The following ROBO2 variants were observed in gnomAD, a reference collection of about 807,000 sequenced individuals.
ROBO2 encodes the protein roundabout guidance receptor 2, also known as roundabout homolog 2.
ROBO2 carries 53 observed loss-of-function variants against 160.8 expected under a neutral mutation model. The observed-to-expected ratio is 0.33, with a 90% CI of 0.26 to 0.41. ROBO2 has a LOEUF of 0.41. Ranked by LOEUF, ROBO2 falls within the 10% of genes least tolerant of loss-of-function variation. The pLI is 1.00. For synonymous variants in ROBO2, 664 were observed against 611.7 expected (o/e 1.09, Z -1.26); for missense variants, 1,577 against 1,722.4 (o/e 0.92, Z 1.49).
chr3:76,561,307 AACTT>A (rs2108493838), intron 2 of ROBO2, among the ~76,000 whole-genome samples: 1 of 152,272 alleles, frequency 6.6e-6, no homozygotes, highest in Non-Finnish European at 1.5e-5. Flanking sequence ...GAAGCAGTCA[AACTT>A]ACTCAGCTTG....
chr3:76,294,155 G>A (rs143591752), intron 2 of ROBO2, among the ~76,000 whole-genome samples: 282 of 152,284 alleles, frequency 1.9e-3, no homozygotes, highest in Middle Eastern at 0.014. Context: ...CGGGAGTCGG[G>A]GAGACCAGGC....
intron 2 of ROBO2, among the ~76,000 whole-genome samples, chr3:76,342,497 T>A (rs2074288701): frequency 6.6e-6 from 1 of 151,380 alleles, no homozygotes; most frequent in Admixed American, 6.6e-5. Flanking sequence ...GAACCCAACT[T>A]TTTTATGAAT....
At chr3:77,199,912 G>A (rs1170802778) in intron 2 of ROBO2, among the ~76,000 whole-genome samples, 1 of 151,142 alleles carries the variant, frequency 6.6e-6, no homozygotes, top group East Asian at 2.0e-4. Flanking sequence ...ACAGGCATGA[G>A]CCACTGCACC....
Position 76,934,375 on chromosome 3 carries a change from T to G in ROBO2, c.110-163639T>G, listed in dbSNP as rs147622838. 8.1e-3 allele frequency among the ~76,000 whole-genome samples: 1,241 copies of G among 152,306 alleles called. 14 individuals are homozygous for G. Among genetic ancestry groups the G allele is most frequent in the African/African-American group, 0.028 (1,176 of 41,578 alleles). On this transcript the variant is annotated intron_variant, in intron 2 of 26. Transcript: ENST00000487694. ...ACAGATTTTTGTGGAATGTATGATT[T>G]GCTTAAATAAAAATAATAGCTACAA... is the stretch of plus-strand genomic sequence containing the variant.
intron 2 of ROBO2, among the ~76,000 whole-genome samples, chr3:77,292,129 G>T (rs1268900827): frequency 6.6e-6 from 1 of 151,356 alleles, no homozygotes; most frequent in African/African-American, 2.4e-5. Context: ...GATCACCCCA[G>T]ACATAAAGTA....
At chr3:76,734,579 C>G (rs2093681350) in intron 2 of ROBO2, among the ~76,000 whole-genome samples, 1 of 152,164 alleles carries the variant, frequency 6.6e-6, no homozygotes, top group Non-Finnish European at 1.5e-5. Context: ...TCTTCTGGCT[C>G]TTAACCTGAG....
Position 76,590,053 on chromosome 3 carries a change from C to T in ROBO2, c.110-507961C>T, listed in dbSNP as rs569286219. Among the ~76,000 whole-genome samples, 66 of 151,940 alleles carry T rather than the reference C, an allele frequency of 4.3e-4. 1 individual carries two copies. In the South Asian group the frequency reaches 9.5e-3, roughly 22 times the overall value. ...ATTATACACATGTGTATAGAAAATA[C>T]GATGGATATTTAAAAGAACTAAATA... On this transcript the variant is annotated intron_variant, in intron 2 of 26. Transcript: ENST00000487694.
chr3:77,045,722 T>G (rs1477077997), intron 1 of ROBO2, among the ~76,000 whole-genome samples: 1 of 152,212 alleles, frequency 6.6e-6, no homozygotes, highest in African/African-American at 2.4e-5. Flanking sequence ...ACAATCTAAC[T>G]TTAAAATGTT....
intron 2 of ROBO2, among the ~76,000 whole-genome samples, chr3:76,671,743 A>G (rs2092269817): frequency 6.6e-6 from 1 of 152,110 alleles, no homozygotes; most frequent in African/African-American, 2.4e-5. Flanking sequence ...AAAATAATCT[A>G]TAATCAGTAC....
intron 2 of ROBO2, among the ~76,000 whole-genome samples, chr3:77,472,119 G>A (rs768384757): frequency 1.3e-5 from 2 of 152,090 alleles, no homozygotes; most frequent in Non-Finnish European, 2.9e-5. Flanking sequence ...GAGAGAGAGA[G>A]AGAGAGGGCA....
chr3:77,519,075 T>A (rs2090326179), intron 5 of ROBO2, among the ~76,000 whole-genome samples: 1 of 151,512 alleles, frequency 6.6e-6, no homozygotes. Context: ...TAGTCTCTTT[T>A]ATTAATTGTT....
intron 2 of ROBO2, among the ~76,000 whole-genome samples, chr3:76,662,851 A>C (rs2091884193): frequency 6.6e-6 from 1 of 152,186 alleles, no homozygotes; most frequent in Admixed American, 6.5e-5. Context: ...ATATGAGCAT[A>C]GACAGGTCAG....
intron 2 of ROBO2, among the ~76,000 whole-genome samples, chr3:77,170,576 C>T (rs2079539782): frequency 2.0e-5 from 3 of 151,958 alleles, no homozygotes; most frequent in South Asian, 4.2e-4. Flanking sequence ...CTGTGGCACA[C>T]GTCACTTTAT....
chr3:76,696,113 A>G (rs554346174), intron 2 of ROBO2, among the ~76,000 whole-genome samples: 7 of 152,216 alleles, frequency 4.6e-5, no homozygotes, highest in South Asian at 2.1e-4. Context: ...TTCTGATCCA[A>G]TTCCTGCCGC....
chr3:77,524,771 ATTGT>A (rs2090967652), intron 6 of ROBO2, among the ~76,000 whole-genome samples: 1 of 150,680 alleles, frequency 6.6e-6, no homozygotes, highest in Non-Finnish European at 1.5e-5. Flanking sequence ...AATAGAGAGC[ATTGT>A]TTGTTTTCAA....
At chr3:76,451,708 A>C (rs1172092466) in intron 2 of ROBO2, among the ~76,000 whole-genome samples, 1 of 152,194 alleles carries the variant, frequency 6.6e-6, no homozygotes, top group Non-Finnish European at 1.5e-5. Flanking sequence ...TTGGGTTTCT[A>C]AATTGTTAGA....
chr3:77,452,914 C>T (rs1385204045), intron 2 of ROBO2, among the ~76,000 whole-genome samples: 2 of 152,052 alleles, frequency 1.3e-5, no homozygotes, highest in African/African-American at 2.4e-5. Flanking sequence ...TTCACTTTTC[C>T]TGTTGATCCT....
chr3:76,764,191 T>C (rs2608163), intron 2 of ROBO2, among the ~76,000 whole-genome samples: 126,770 of 151,298 alleles, frequency 0.84, 53,212 homozygotes, highest in Admixed American at 0.86. Flanking sequence ...TTTTGATTAC[T>C]GTATGTAAAT....
chr3:77,042,835 C>A (rs1234061858), intron 1 of ROBO2, among the ~76,000 whole-genome samples: 1 of 152,112 alleles, frequency 6.6e-6, no homozygotes, highest in Non-Finnish European at 1.5e-5. Context: ...GATAAGGGGG[C>A]AGTTTGTGTC....
Sources: allele counts gnomAD v4.1 joint callset (sites outside exome capture counted in the v4.1 genomes callset), GRCh38; gene constraint gnomAD v4.1.1; transcripts MANE v1.5; gene names NCBI Gene and HGNC (gene_info 2026-07-23, HGNC 2026-07-21).